ZBTB20: variants seen among roughly 807,000 people sequenced by gnomAD.
ZBTB20 encodes zinc finger and BTB domain containing 20.
A neutral mutation model predicts 56.9 loss-of-function variants in ZBTB20; 9 were observed. The ratio of observed to expected loss-of-function variants is 0.16; its 90% CI spans 0.10 to 0.28. The LOEUF (loss-of-function observed/expected upper bound fraction) is 0.28. Among genes scored for constraint, ZBTB20 ranks in the 10% least tolerant of loss-of-function variants. The pLI is 1.00. For synonymous variants in ZBTB20, 417 were observed against 420.7 expected (o/e 0.99, Z 0.11); for missense variants, 655 against 1,003.0 (o/e 0.65, Z 4.69).
chr3:114,967,351 A>C (rs1014318832), intron 3 of ZBTB20, among the ~76,000 whole-genome samples: 6 of 152,216 alleles, frequency 3.9e-5, no homozygotes, highest in African/African-American at 1.2e-4. Flanking sequence ...CCTCCATTTC[A>C]AATACTGATG....
At chr3:114,796,342 T>G (rs1231561363) in intron 5 of ZBTB20, among the ~76,000 whole-genome samples, 2 of 151,988 alleles carry the variant, frequency 1.3e-5, no homozygotes, top group Non-Finnish European at 2.9e-5. Flanking sequence ...GGCCTGAGTT[T>G]ATAGTACATA....
At chr3:114,434,455 C>T (rs1329137018) in intron 7 of ZBTB20, among the ~76,000 whole-genome samples, 1 of 151,788 alleles carries the variant, frequency 6.6e-6, no homozygotes, top group Non-Finnish European at 1.5e-5. Flanking sequence ...GGTCTGGGTT[C>T]TTCCTACAGA....
chr3:114,575,566 G>C (rs941792425), intron 6 of ZBTB20, among the ~76,000 whole-genome samples: 35 of 149,464 alleles, frequency 2.3e-4, no homozygotes, highest in Non-Finnish European at 4.3e-4. Context: ...TATAGTTAGG[G>C]ATTTGAAGAA....
At chr3:114,852,324 T>C (rs1576106465) in intron 4 of ZBTB20, among the ~76,000 whole-genome samples, 1 of 151,966 alleles carries the variant, frequency 6.6e-6, no homozygotes, top group Non-Finnish European at 1.5e-5. Flanking sequence ...AGTGCAGTGG[T>C]ACAATCTCGG....
intron 4 of ZBTB20, among the ~76,000 whole-genome samples, chr3:114,802,875 T>C (rs181287538): frequency 6.6e-6 from 1 of 152,074 alleles, no homozygotes; most frequent in East Asian, 1.9e-4. Flanking sequence ...GAAACTAGGC[T>C]GAATATTTAC....
intron 11 of ZBTB20, among the ~76,000 whole-genome samples, chr3:114,347,160 T>C (rs1242621960): frequency 7.4e-6 from 1 of 135,580 alleles, no homozygotes; most frequent in Admixed American, 8.2e-5. Flanking sequence ...TCAAGTGATC[T>C]TCCCGCCTCA....
In ZBTB20 at chr3:114,541,108, T is replaced by C. The variant is rs2049058673; in HGVS notation, c.-294-40717A>G. 2.0e-5 allele frequency among the ~76,000 whole-genome samples: 3 copies of C among 152,126 alleles called. 1 individual carries two copies. The South Asian group carries it at 6.2e-4, about 32-fold the overall frequency. On this transcript the variant is annotated intron_variant, in intron 6 of 11. Transcript: ENST00000675478. ...TCTCTAGAATCCCAGATTTACTTCT[T>C]GTCCAGGTTAAATGCCCTTTTGATT...
At chr3:114,872,580 G>A (rs2107545624) in intron 4 of ZBTB20, among the ~76,000 whole-genome samples, 1 of 151,818 alleles carries the variant, frequency 6.6e-6, no homozygotes, top group East Asian at 1.9e-4. Flanking sequence ...GGGAAAGGAA[G>A]TTGAATTAGT....
intron 7 of ZBTB20, among the ~76,000 whole-genome samples, chr3:114,462,569 GC>G (rs1487135863): frequency 6.6e-6 from 1 of 152,122 alleles, no homozygotes; most frequent in Non-Finnish European, 1.5e-5. Flanking sequence ...TAAGTAAGAA[GC>G]TCCAGGGAGC....
chr3:114,738,771 T>C lies in ZBTB20; in HGVS notation c.-342-45196A>G, dbSNP rs777422458. On this transcript the variant is annotated intron_variant, in intron 5 of 11. Coordinates refer to ENST00000675478, the MANE Select transcript of ZBTB20 (RefSeq NM_001348800.3). ...GACCAAACAGATGTATTTGTATTCT[T>C]TCCTAAAAACTAAAACAGGCAAACG... 2.6e-5 allele frequency among the ~76,000 whole-genome samples: 4 copies of C among 152,304 alleles called. No homozygotes were observed. The South Asian group carries it at 8.3e-4, about 32-fold the overall frequency.
At chr3:114,938,975 T>A (rs1260643524) in intron 3 of ZBTB20, among the ~76,000 whole-genome samples, 1 of 145,134 alleles carries the variant, frequency 6.9e-6, no homozygotes, top group Non-Finnish European at 1.5e-5. Flanking sequence ...AAGAATCTAG[T>A]ATTGGGCAGA....
intron 2 of ZBTB20, among the ~76,000 whole-genome samples, chr3:115,026,611 T>C (rs915589827): frequency 1.1e-4 from 16 of 150,744 alleles, no homozygotes; most frequent in African/African-American, 3.2e-4. Flanking sequence ...TTGAAGTCTC[T>C]GGGACTTTTC....
At chr3:114,976,482 C>G (rs923430515) in intron 2 of ZBTB20, among the ~76,000 whole-genome samples, 1 of 151,906 alleles carries the variant, frequency 6.6e-6, no homozygotes, top group Non-Finnish European at 1.5e-5. Flanking sequence ...AAAAATTAGC[C>G]GGGCGTGGTG....
intron 2 of ZBTB20, among the ~76,000 whole-genome samples, chr3:114,986,845 C>T (rs569284422): frequency 1.3e-5 from 2 of 152,088 alleles, no homozygotes; most frequent in Non-Finnish European, 2.9e-5. Context: ...TATTAATTAG[C>T]AATGTTATCA....
intron 6 of ZBTB20, among the ~76,000 whole-genome samples, chr3:114,657,045 T>C (rs1267183959): frequency 6.6e-6 from 1 of 152,028 alleles, no homozygotes; most frequent in Non-Finnish European, 1.5e-5. Flanking sequence ...CCATGGACTT[T>C]AAAAAAAAAT....
intron 2 of ZBTB20, among the ~76,000 whole-genome samples, chr3:115,067,979 A>T (rs2082269156): frequency 6.6e-6 from 1 of 152,128 alleles, no homozygotes; most frequent in African/African-American, 2.4e-5. Flanking sequence ...CAGGCATATG[A>T]GTCAAGAACA....
At chr3:114,721,325 A>G (rs1378823522) in intron 5 of ZBTB20, among the ~76,000 whole-genome samples, 2 of 150,784 alleles carry the variant, frequency 1.3e-5, no homozygotes, top group East Asian at 1.9e-4. Context: ...TGAGAGAGAA[A>G]GAGAGAGAGT....
chr3:114,470,878 T>A (rs2109253559), intron 7 of ZBTB20, among the ~76,000 whole-genome samples: 1 of 152,312 alleles, frequency 6.6e-6, no homozygotes, highest in Non-Finnish European at 1.5e-5. Flanking sequence ...ACTCTAAAAT[T>A]CATCTTTGTC....
chr3:114,785,195 C>A (rs914679364), intron 5 of ZBTB20, among the ~76,000 whole-genome samples: 2 of 152,124 alleles, frequency 1.3e-5, no homozygotes, highest in Non-Finnish European at 2.9e-5. Context: ...AGTTGACAAA[C>A]CTTTTCCAAA....
Sources: gnomAD v4.1 joint callset for allele counts (sites outside exome capture counted in the v4.1 genomes callset) on GRCh38, gnomAD v4.1.1 for gene constraint, MANE v1.5 for transcripts, NCBI Gene and HGNC (gene_info 2026-07-23, HGNC 2026-07-21) for gene names.